The following WDR97 variants were observed in gnomAD, a reference collection of about 807,000 sequenced individuals.
WDR97 encodes WD repeat-containing protein 97.
WDR97 carries 111 observed loss-of-function variants against 65.4 expected under a neutral mutation model. The observed-to-expected ratio is 1.70, with a 90% CI of 1.45 to 1.99. The LOEUF is 1.99. WDR97 is among the 30% of genes most tolerant of loss of function. WDR97 has a pLI of 0.00. For synonymous variants in WDR97, 802 were observed against 397.7 expected (o/e 2.02, Z -12.10); for missense variants, 1,674 against 865.0 (o/e 1.94, Z -11.73).
In WDR97 at chr8:144,115,844, T is replaced by C. The variant is rs1232286097; in HGVS notation, c.4581T>C (p.Pro1527=). 1 of 689,272 alleles carries C rather than the reference T, an allele frequency of 1.5e-6. No homozygotes were observed. The highest frequency in any genetic ancestry group is 2.7e-6 in the Non-Finnish European group (1 of 376,510). 42.7% of individuals were successfully genotyped at this position (689,272 alleles called of 1,614,324 possible). ...CGGTGCCCGACATGGTGGTGCCACC[T>C]CCGCGGGAGCACTGGTGCGCGGGGC... ...VAPVPDMVVP[P]PREHWYHPIL... is the part of the protein sequence containing the mutation. The change falls in exon 22 of 24, where the codon CCT becomes CCC. Residue 1527 remains proline, a synonymous_variant. Coordinates refer to ENST00000323662, the MANE Select transcript of WDR97 (RefSeq NM_001316309.2).
chr8:144,111,060 G>C, intron 9 of WDR97, 41 bp from the exon 10 acceptor site: 2 of 702,672 alleles, frequency 2.8e-6, no homozygotes, highest in Non-Finnish European at 5.2e-6. Flanking sequence ...GGCAGACCCA[G>C]GTTCCCCCAG....
chr8:144,115,356 ACGT>A lies in WDR97; in HGVS notation c.4095_4097del (p.Ser1366del), dbSNP rs1366537162. 1.7e-6 allele frequency: 1 copy of A among 600,072 alleles called. No individual in the cohort carries two copies. Among genetic ancestry groups the A allele is most frequent in the South Asian group, 1.9e-5 (1 of 51,532 alleles). 37.2% of individuals were successfully genotyped at this position (600,072 alleles called of 1,614,324 possible). ...TCCTCCCAAGGAGACCCCATCGCAGACGTCAGTGGTCTCTGGGGCACCCACACG... is the reference window on the plus strand; with the variant it reads ...TCCTCCCAAGGAGACCCCATCGCAGACAGTGGTCTCTGGGGCACCCACACG... On this transcript the variant is annotated inframe_deletion, in exon 22 of 24. Coordinates refer to ENST00000323662, the MANE Select transcript of WDR97 (RefSeq NM_001316309.2).
rs1587632056 is a variant in WDR97, at chr8:144,117,559, C to T, written c.*1266C>T. ...GATCTGAGGGACCCCACATGACTTA[C>T]AATCAGACAAGGTAGGTCAGAGGAT... On this transcript the variant is annotated 3_prime_UTR_variant, in exon 24 of 24. Transcript: ENST00000323662. 1 of 152,658 alleles carries T rather than the reference C, an allele frequency of 6.6e-6. No homozygotes were observed. Among genetic ancestry groups the T allele is most frequent in the South Asian group, 2.1e-4 (1 of 4,850 alleles). 9.5% of individuals were successfully genotyped at this position (152,658 alleles called of 1,614,324 possible).
intron 15 of WDR97, 137 bp from the exon 16 acceptor site, chr8:144,113,303 C>T: frequency 3.0e-6 from 2 of 661,006 alleles, no homozygotes; most frequent in Non-Finnish European, 5.5e-6. Flanking sequence ...GTTGCTAGCT[C>T]AGCCAGCTCT....
Position 144,109,139 on chromosome 8 carries a change from G to C in WDR97, c.969G>C (p.Trp323Cys), listed in dbSNP as rs1042453440. 2 of 703,008 alleles carry C rather than the reference G, an allele frequency of 2.8e-6. No individual in the cohort carries two copies. Among genetic ancestry groups the C allele is most frequent in the Non-Finnish European group, 5.2e-6 (2 of 385,002 alleles). 43.5% of individuals were successfully genotyped at this position (703,008 alleles called of 1,614,324 possible). Residue 323 changes from tryptophan (W) to cysteine (C), a missense_variant, in exon 4 of 24, where the codon TGG becomes TGC. Trp to Cys is a radical substitution (Grantham distance 215, BLOSUM62 -2). Coordinates refer to ENST00000323662, the MANE Select transcript of WDR97 (RefSeq NM_001316309.2). ...CCGTGAAGGTGTGGGAGGCTGACTG[G>C]CAGATCCGGATGGTGTTCGTGGGCC... is the stretch of plus-strand genomic sequence containing the variant. ...DSTVKVWEADWQIRMVFVGHT... is the reference protein window; with the variant it reads ...DSTVKVWEADCQIRMVFVGHT...
At chr8:144,114,936 G>T (rs1408009826) in intron 21 of WDR97, 25 bp downstream of exon 21, 9 of 668,016 alleles carry the variant, frequency 1.3e-5, no homozygotes, top group Admixed American at 4.7e-5. Context: ...GGCCGGGGGG[G>T]CCTTGGGAAC....
Position 144,109,344 on chromosome 8 carries a change from C to G in WDR97, c.1010C>G (p.Thr337Arg), listed in dbSNP as rs752475237. ...TGCACCCCTCCCACAGGCCCGGTGA[C>G]GGCTATGACTGTGCTCCCGAACACG... is the stretch of plus-strand genomic sequence containing the variant. ...MVFVGHTGPV[T>R]AMTVLPNTTL... is the part of the protein sequence containing the mutation. Residue 337 changes from threonine to arginine, a missense_variant, in exon 5 of 24, where the codon ACG becomes AGG. Thr to Arg is a moderately conservative substitution (Grantham distance 71). Transcript: ENST00000323662. 1 of 702,388 alleles carries G rather than the reference C, an allele frequency of 1.4e-6. No individual in the cohort carries two copies. The highest frequency in any genetic ancestry group is 1.7e-5 in the African/African-American group (1 of 57,284). 43.5% of individuals were successfully genotyped at this position (702,388 alleles called of 1,614,324 possible).
Position 144,114,028 on chromosome 8 carries a change from A to G in WDR97, c.3460A>G (p.Arg1154Gly), listed in dbSNP as rs1382849061. The G allele has an allele frequency of 2.8e-6, 2 of 702,828 alleles. No individual in the cohort carries two copies. Among genetic ancestry groups the G allele is most frequent in the Non-Finnish European group, 2.6e-6 (1 of 384,990 alleles). The allele number at this position is 702,828 out of a possible 1,614,324, so 43.5% of individuals were successfully genotyped here. The change falls in exon 18 of 24, where the codon AGG becomes GGG. Residue 1154 changes from arginine (R) to glycine (G), a missense_variant. Transcript: ENST00000323662. ...CCGGCGGCGCAGCTGCAAGGTTGCC[A>G]GGACCCACCCTCATCCCTGGCACCG... ...EPRRRSCKVA[R>G]THPHPWHRHG...
In WDR97 at chr8:144,117,000, T is replaced by C. The variant is rs1426265797; in HGVS notation, c.*707T>C. 1 of 152,334 alleles carries C rather than the reference T, an allele frequency of 6.6e-6. No individual in the cohort carries two copies. Among genetic ancestry groups the C allele is most frequent in the Non-Finnish European group, 1.5e-5 (1 of 68,126 alleles). 9.4% of individuals were successfully genotyped at this position (152,334 alleles called of 1,614,324 possible). A position where few individuals can be genotyped will look rare whatever the true frequency, so the allele number is the denominator to read the frequency against. On this transcript the variant is annotated 3_prime_UTR_variant, in exon 24 of 24. Transcript: ENST00000323662. ...AATCCCCGGCTTTTACACCTGTCTT[T>C]TGTGTTGTCTGAGCAGTGATTTCCC...
chr8:144,112,584 G>A, intron 15 of WDR97, 54 bp downstream of exon 15: 1 of 700,232 alleles, frequency 1.4e-6, no homozygotes, highest in South Asian at 1.5e-5. Flanking sequence ...CATCACTCTT[G>A]TGCCTGCCAT....
rs751216109 is a variant in WDR97, at chr8:144,109,379, T to G, written c.1045T>G (p.Leu349Val). The G allele has an allele frequency of 2.6e-5, 18 of 702,502 alleles. No individual in the cohort carries two copies. Among genetic ancestry groups the G allele is most frequent in the South Asian group, 1.3e-4 (9 of 67,604 alleles). 43.5% of individuals were successfully genotyped at this position (702,502 alleles called of 1,614,324 possible). ...TGTGCTCCCGAACACGACCCTGGTG[T>G]TGTCGGCCTCGCAGGACGGGACGCT... ...MTVLPNTTLVLSASQDGTLRT... is the reference protein window; with the variant it reads ...MTVLPNTTLVVSASQDGTLRT... The change falls in exon 5 of 24, where the codon TTG becomes GTG. Residue 349 changes from leucine (L) to valine (V), a missense_variant. Leu to Val is a conservative substitution (Grantham distance 32, BLOSUM62 1). Transcript: ENST00000323662.
At position 144,109,110 on chromosome 8, in the gene WDR97, A is replaced by G. The variant is rs749635166; in HGVS notation, c.940A>G (p.Ser314Gly). The change falls in exon 4 of 24, where the codon AGC becomes GGC. Residue 314 changes from serine (S) to glycine (G), a missense_variant. Ser to Gly is a moderately conservative substitution (Grantham distance 56). Coordinates refer to ENST00000323662, the MANE Select transcript of WDR97 (RefSeq NM_001316309.2). ...GGCAATGGTGACAGCTTCCCGGGAC[A>G]GCACCGTGAAGGTGTGGGAGGCTGA... ...VEAMVTASRDSTVKVWEADWQ... is the reference protein window; with the variant it reads ...VEAMVTASRDGTVKVWEADWQ... The G allele has an allele frequency of 1.4e-6, 1 of 702,958 alleles. No individual in the cohort carries two copies. Among genetic ancestry groups the G allele is most frequent in the African/African-American group, 1.7e-5 (1 of 57,260 alleles). 43.5% of individuals were successfully genotyped at this position (702,958 alleles called of 1,614,324 possible).
chr8:144,110,629 A>G lies in WDR97; in HGVS notation c.2081-20A>G, dbSNP rs1175515530. 3 of 702,720 alleles carry G rather than the reference A, an allele frequency of 4.3e-6. No individual in the cohort carries two copies. Among genetic ancestry groups the G allele is most frequent in the East Asian group, 2.7e-5 (1 of 37,278 alleles). 43.5% of individuals were successfully genotyped at this position (702,720 alleles called of 1,614,324 possible). On this transcript the variant is annotated intron_variant, in intron 7 of 23. Coordinates refer to ENST00000323662, the MANE Select transcript of WDR97 (RefSeq NM_001316309.2). ...AGCCACCGCCCAGCTCCGGTTCCTGACCCTGAACCCTGCCGCCAGGCCTGT... is the reference window on the plus strand; with the variant it reads ...AGCCACCGCCCAGCTCCGGTTCCTGGCCCTGAACCCTGCCGCCAGGCCTGT...
chr8:144,117,599 C>CTGTTT lies in WDR97; in HGVS notation c.*1333_*1337dup, dbSNP rs55688630. 0.062 allele frequency: 9,366 copies of CTGTTT among 151,652 alleles called. 910 individuals carry two copies. Among genetic ancestry groups the CTGTTT allele is most frequent in the African/African-American group, 0.21 (8,376 of 40,786 alleles). The allele number at this position is 151,652 out of a possible 1,614,324, so 9.4% of individuals were successfully genotyped here. On this transcript the variant is annotated 3_prime_UTR_variant, in exon 24 of 24. Coordinates refer to ENST00000323662, the MANE Select transcript of WDR97 (RefSeq NM_001316309.2). Reference sequence around the variant, plus strand: ...GGTCAGAGGATTTCTTTATGGCTATCTGTTTTGTTTTGTTTTGTTTTGTTT... The same window carrying CTGTTT: ...GGTCAGAGGATTTCTTTATGGCTATCTGTTTTGTTTTGTTTTGTTTTGTTTTGTTT...
Position 144,109,110 on chromosome 8 carries a change from A to T in WDR97, c.940A>T (p.Ser314Cys), listed in dbSNP as rs749635166. 1.4e-6 allele frequency: 1 copy of T among 703,076 alleles called. No individual in the cohort carries two copies. The highest frequency in any genetic ancestry group is 2.7e-5 in the East Asian group (1 of 37,290). The allele number at this position is 703,076 out of a possible 1,614,324, so 43.6% of individuals were successfully genotyped here. A position where few individuals can be genotyped will look rare whatever the true frequency, so the allele number is the denominator to read the frequency against. Residue 314 changes from serine (S) to cysteine (C), a missense_variant, in exon 4 of 24, where the codon AGC (serine) becomes TGC (cysteine). Coordinates refer to ENST00000323662, the MANE Select transcript of WDR97 (RefSeq NM_001316309.2). Reference sequence around the variant, plus strand: ...GGCAATGGTGACAGCTTCCCGGGACAGCACCGTGAAGGTGTGGGAGGCTGA... The same window carrying T: ...GGCAATGGTGACAGCTTCCCGGGACTGCACCGTGAAGGTGTGGGAGGCTGA... ...VEAMVTASRD[S>C]TVKVWEADWQ...
In WDR97 at chr8:144,115,274, T is replaced by G; in HGVS notation, c.4078-67T>G. The G allele has an allele frequency of 7.0e-6, 4 of 573,662 alleles. No homozygotes were observed. In the Middle Eastern group the frequency reaches 8.6e-4, roughly 123 times the overall value. The allele number at this position is 573,662 out of a possible 1,614,324, so 35.5% of individuals were successfully genotyped here. A position where few individuals can be genotyped will look rare whatever the true frequency, so the allele number is the denominator to read the frequency against. On this transcript the variant is annotated intron_variant, in intron 21 of 23. Transcript: ENST00000323662. ...AGATGGAAAGCTCGCAGCCACTGTCTGCAGCCAAGTTGCTGGTGGTGCTGC... is the reference window on the plus strand; with the variant it reads ...AGATGGAAAGCTCGCAGCCACTGTCGGCAGCCAAGTTGCTGGTGGTGCTGC...
rs922659111 is a variant in WDR97, at chr8:144,115,990, C to T, written c.4643C>T (p.Ala1548Val). The change falls in exon 23 of 24, where the codon GCG becomes GTG. Residue 1548 changes from alanine (A) to valine (V), a missense_variant. Ala to Val is a moderately conservative substitution (Grantham distance 64). Transcript: ENST00000323662. Reference protein sequence around the residue: ...RLQEAKPQRSARSAMRLRGPM... With the variant: ...RLQEAKPQRSVRSAMRLRGPM... ...CAGGAGGCCAAGCCGCAGAGGTCCG[C>T]GAGGTCCGCGATGAGACTGAGGGGT... 9 of 700,490 alleles carry T rather than the reference C, an allele frequency of 1.3e-5. No homozygotes were observed. In the East Asian group the frequency reaches 1.3e-4, roughly 10 times the overall value. The allele number at this position is 700,490 out of a possible 1,614,324, so 43.4% of individuals were successfully genotyped here. A position where few individuals can be genotyped will look rare whatever the true frequency, so the allele number is the denominator to read the frequency against.
In WDR97 at chr8:144,109,730, G is replaced by A. The variant is rs1383757318; in HGVS notation, c.1396G>A (p.Val466Met). Residue 466 changes from valine to methionine, a missense_variant, in exon 5 of 24, where the codon GTG (valine) becomes ATG (methionine). Coordinates refer to ENST00000323662, the MANE Select transcript of WDR97 (RefSeq NM_001316309.2). ...CCTGTCGGCGGCCACCGGGCGCATA[G>A]TGAGCTCACTGCTGCTGGAGCCGGA... ...YLLSAATGRI[V>M]SSLLLEPEDC... The A allele has an allele frequency of 1.0e-5, 7 of 681,754 alleles. No individual in the cohort carries two copies. The highest frequency in any genetic ancestry group is 4.2e-5 in the Admixed American group (2 of 48,142). 42.2% of individuals were successfully genotyped at this position (681,754 alleles called of 1,614,324 possible). A position where few individuals can be genotyped will look rare whatever the true frequency, so the allele number is the denominator to read the frequency against.
Position 144,108,803 on chromosome 8 carries a change from C to A in WDR97, c.737C>A (p.Thr246Lys). The A allele has an allele frequency of 1.4e-6, 1 of 702,730 alleles. No individual in the cohort carries two copies. The allele number at this position is 702,730 out of a possible 1,614,324, so 43.5% of individuals were successfully genotyped here. ...GSALHPPPSP[T>K]GRLMRLAVAP... ...GCACTGCACCCGCCCCCGAGCCCAA[C>A]AGGCAGGCTCATGCGTCTGGCTGTG... Residue 246 changes from threonine (T) to lysine (K), a missense_variant, in exon 3 of 24, where the codon ACA becomes AAA. Transcript: ENST00000323662.
Sources: allele counts gnomAD v4.1 joint callset, GRCh38; gene constraint gnomAD v4.1.1; transcripts MANE v1.5; gene names NCBI Gene and HGNC (gene_info 2026-07-23, HGNC 2026-07-21).